The following ZNF525 variants were observed in gnomAD, a reference collection of about 807,000 sequenced individuals.
ZNF525 encodes the protein zinc finger protein 525.
ZNF525 carries 33 observed loss-of-function variants against 37.6 expected under a neutral mutation model. The observed-to-expected ratio is 0.88, with a 90% CI of 0.67 to 1.17. The LOEUF is 1.17. Among genes scored for constraint, ZNF525 ranks in the 50% most tolerant of loss-of-function variants. The pLI is 0.00. For missense variants in ZNF525, 449 were observed against 543.1 expected, an observed-to-expected ratio of 0.83 and a Z score of 1.72; for synonymous variants, 170 against 182.3, an observed-to-expected ratio of 0.93 and a Z score of 0.54.
In ZNF525 at chr19:53,380,879, G is replaced by T. The variant is rs762881059; in HGVS notation, c.300G>T (p.Gln100His). The change falls in exon 4 of 4, where the codon CAG becomes CAT. Residue 100 changes from glutamine (Q) to histidine (H), a missense_variant. Gln to His is a conservative substitution (Grantham distance 24). This residue lies in a region of ZNF525 where 271 missense variants were observed against 381.6 expected (regional missense o/e 0.71). Coordinates refer to ENST00000474037, the MANE Select transcript of ZNF525 (RefSeq NM_001348156.2). The part of the protein sequence containing the change: ...IEKDIHNFEF[Q>H]WQEDERNGHE... ...AAGATATTCATAACTTTGAGTTTCAGTGGCAAGAAGATGAAAGAAATGGCC... is the reference window on the plus strand; with the variant it reads ...AAGATATTCATAACTTTGAGTTTCATTGGCAAGAAGATGAAAGAAATGGCC... The T allele has an allele frequency of 2.7e-6, 4 of 1,475,110 alleles. No homozygotes were observed. Among genetic ancestry groups the T allele is most frequent in the Non-Finnish European group, 9.5e-7 (1 of 1,053,540 alleles). The allele number at this position is 1,475,110 out of a possible 1,614,324, so 91.4% of individuals were successfully genotyped here.
chr19:53,377,949 A>C (rs568379422), intron 3 of ZNF525, among the ~76,000 whole-genome samples: 1 of 152,168 alleles, frequency 6.6e-6, no homozygotes, highest in African/African-American at 2.4e-5. Flanking sequence ...TCCTTTGTTT[A>C]ATTAGATTTG....
chr19:53,367,794 T>G (rs570470095), intron 1 of ZNF525, among the ~76,000 whole-genome samples: 17 of 152,278 alleles, frequency 1.1e-4, no homozygotes, highest in African/African-American at 3.1e-4. Flanking sequence ...GGAGGTAGTC[T>G]AAAGCTAATC....
chr19:53,367,039 A>T (rs1304973858), intron 1 of ZNF525, among the ~76,000 whole-genome samples: 1 of 152,194 alleles, frequency 6.6e-6, no homozygotes, highest in Non-Finnish European at 1.5e-5. Context: ...AGGTCACGTA[A>T]TCTATAGCAT....
At chr19:53,374,674 A>G (rs56368786) in intron 2 of ZNF525, among the ~76,000 whole-genome samples, 39,202 of 152,146 alleles carry the variant, frequency 0.26, 5,532 homozygotes, top group African/African-American at 0.38. Flanking sequence ...ATATACATAC[A>G]CACACACATA....
intron 1 of ZNF525, among the ~76,000 whole-genome samples, chr19:53,366,371 C>T (rs1434573399): frequency 6.7e-6 from 1 of 149,638 alleles, no homozygotes; most frequent in East Asian, 2.0e-4. Context: ...TAAGCTCCTC[C>T]GGGATGCAGG....
chr19:53,381,657 T>C lies in ZNF525; in HGVS notation c.1078T>C (p.Cys360Arg), dbSNP rs1162562402. The part of the protein sequence containing the change: ...TGKKPYECEE[C>R]DKAFSFKSNL... ...AAAGAAACCTTACGAATGTGAAGAA[T>C]GTGACAAAGCTTTCAGTTTCAAATC... Residue 360 changes from cysteine (C) to arginine (R), a missense_variant, in exon 4 of 4, where the codon TGT becomes CGT. This residue lies in a region of ZNF525 where 178 missense variants were observed against 161.5 expected (regional missense o/e 1.10). Transcript: ENST00000474037. 8.9e-7 allele frequency: 1 copy of C among 1,124,004 alleles called. No homozygotes were observed. The highest frequency in any genetic ancestry group is 1.2e-5 in the South Asian group (1 of 81,026). 69.6% of individuals were successfully genotyped at this position (1,124,004 alleles called of 1,614,324 possible).
chr19:53,380,736 T>C lies in ZNF525; in HGVS notation c.157T>C (p.Cys53Arg). The C allele has an allele frequency of 5.7e-6, 7 of 1,231,388 alleles. No homozygotes were observed. The highest frequency in any genetic ancestry group is 7.1e-6 in the Non-Finnish European group (6 of 842,694). 76.3% of individuals were successfully genotyped at this position (1,231,388 alleles called of 1,614,324 possible). ...ATATTTTGTAGGTATCTCTTCCAAA[T>C]GCACAATGAAGGAGTTCTCATCAAC... The part of the protein sequence containing the change: ...NLVSLGISSK[C>R]TMKEFSSTAQ... The change falls in exon 4 of 4, where the codon TGC (cysteine) becomes CGC (arginine). Residue 53 changes from cysteine to arginine, a missense_variant. This residue lies in a region of ZNF525 where 271 missense variants were observed against 381.6 expected (regional missense o/e 0.71). Transcript: ENST00000474037.
At chr19:53,373,169 G>A (rs1399513769) in intron 2 of ZNF525, among the ~76,000 whole-genome samples, 2 of 151,946 alleles carry the variant, frequency 1.3e-5, no homozygotes, top group South Asian at 2.1e-4. Context: ...CTTGGCTCAT[G>A]GCAACCTCCA....
Position 53,375,833 on chromosome 19 carries a change from C to T in ZNF525, c.79C>T (p.Pro27Ser). 6.2e-7 allele frequency: 1 copy of T among 1,613,860 alleles called. No homozygotes were observed. The highest frequency in any genetic ancestry group is 8.5e-7 in the Non-Finnish European group (1 of 1,179,874). ...TCAGGAGGAGTGGAAATGCCTGGAC[C>T]CTGCTCAGAGGACTCTATACAGGGA... Reference protein sequence around the residue: ...FSQEEWKCLDPAQRTLYRDVM... With the variant: ...FSQEEWKCLDSAQRTLYRDVM... The change falls in exon 3 of 4, where the codon CCT (proline) becomes TCT (serine). Residue 27 changes from proline (P) to serine (S), a missense_variant. Physicochemically the swap from Pro to Ser is moderately conservative, Grantham distance 74 (BLOSUM62 -1). Transcript: ENST00000474037.
chr19:53,384,146 CT>C lies in ZNF525; in HGVS notation c.*2129del. On this transcript the variant is annotated 3_prime_UTR_variant, in exon 4 of 4. Transcript: ENST00000474037. The stretch of plus-strand genomic sequence containing the variant: ...CAGCATTGACTTGAGTTTGAGTTGA[CT>C]TAACATTGAGTTCAAGCCTTAATTG... The C allele has an allele frequency of 2.5e-6, 1 of 407,558 alleles. No individual in the cohort carries two copies. Among genetic ancestry groups the C allele is most frequent in the Admixed American group, 3.4e-5 (1 of 29,380 alleles). 25.2% of individuals were successfully genotyped at this position (407,558 alleles called of 1,614,324 possible).
chr19:53,369,205 A>G (rs1198119663), intron 1 of ZNF525, among the ~76,000 whole-genome samples: 4 of 151,262 alleles, frequency 2.6e-5, no homozygotes, highest in Non-Finnish European at 4.4e-5. Context: ...AAGGTTGGTT[A>G]TTTTCTTGGT....
intron 3 of ZNF525, among the ~76,000 whole-genome samples, chr19:53,378,331 G>C (rs2085535877): frequency 6.6e-6 from 1 of 152,052 alleles, no homozygotes; most frequent in Non-Finnish European, 1.5e-5. Context: ...GTGGCACATG[G>C]CTGTTATCCC....
chr19:53,373,330 G>A (rs2085500734), intron 2 of ZNF525, among the ~76,000 whole-genome samples: 1 of 152,034 alleles, frequency 6.6e-6, no homozygotes, highest in African/African-American at 2.4e-5. Flanking sequence ...TTAACCTCAG[G>A]TGATCTGCCT....
Position 53,382,564 on chromosome 19 carries a change from G to C in ZNF525, c.*545G>C, listed in dbSNP as rs2085574857. On this transcript the variant is annotated 3_prime_UTR_variant, in exon 4 of 4. Transcript: ENST00000474037. Reference sequence around the variant, plus strand: ...GACGTCATACTGGAGAGAAACCTTAGAAGTGCAATGAGTGTGGCAAAACCT... The same window carrying C: ...GACGTCATACTGGAGAGAAACCTTACAAGTGCAATGAGTGTGGCAAAACCT... The C allele has an allele frequency of 1.2e-5, 8 of 657,702 alleles. No individual in the cohort carries two copies. Among genetic ancestry groups the C allele is most frequent in the Non-Finnish European group, 2.0e-5 (7 of 351,000 alleles). 40.7% of individuals were successfully genotyped at this position (657,702 alleles called of 1,614,324 possible).
At chr19:53,374,626 A>C (rs75508914) in intron 2 of ZNF525, among the ~76,000 whole-genome samples, 1 of 152,230 alleles carries the variant, frequency 6.6e-6, no homozygotes, top group East Asian at 1.9e-4. Context: ...TCAGTTATAC[A>C]AAACTTGCTA....
chr19:53,369,967 G>A (rs1164520646), intron 1 of ZNF525, among the ~76,000 whole-genome samples: 19 of 148,046 alleles, frequency 1.3e-4, no homozygotes, highest in South Asian at 2.1e-4. Context: ...CTCGTGATCC[G>A]CCCGCCTCGG....
rs559872820 is a variant in ZNF525 at position 53,369,674 on chromosome 19, C to G, written c.-67-2541C>G. Among the ~76,000 whole-genome samples, 3 of 143,622 alleles carry G rather than the reference C, an allele frequency of 2.1e-5. 1 individual carries two copies. Among genetic ancestry groups the G allele is most frequent in the African/African-American group, 8.1e-5 (3 of 36,982 alleles). The allele number at this position is 143,622 out of a possible 152,430, so 94.2% of individuals were successfully genotyped here. A position where few individuals can be genotyped will look rare whatever the true frequency, so the allele number is the denominator to read the frequency against. On this transcript the variant is annotated intron_variant, in intron 1 of 3. Coordinates refer to ENST00000474037, the MANE Select transcript of ZNF525 (RefSeq NM_001348156.2). ...GATTTTCTTGTAAGGAAGAATTAAA[C>G]GTCGGGAACCAAAGGCAACAGAACC...
intron 1 of ZNF525, among the ~76,000 whole-genome samples, chr19:53,370,728 G>T (rs2147064931): frequency 6.6e-6 from 1 of 152,296 alleles, no homozygotes; most frequent in African/African-American, 2.4e-5. Context: ...AAACAGAGTT[G>T]CAGACTCAGA....
Position 53,385,063 on chromosome 19 carries a change from G to A in ZNF525, c.*3044G>A, listed in dbSNP as rs1250620931. 4 of 663,588 alleles carry A rather than the reference G, an allele frequency of 6.0e-6. No homozygotes were observed. The highest frequency in any genetic ancestry group is 1.1e-5 in the Non-Finnish European group (4 of 369,582). 41.1% of individuals were successfully genotyped at this position (663,588 alleles called of 1,614,324 possible). On this transcript the variant is annotated 3_prime_UTR_variant, in exon 4 of 4. Coordinates refer to ENST00000474037, the MANE Select transcript of ZNF525 (RefSeq NM_001348156.2). ...TTTAATCTTTCATTCTGTTCTAGTG[G>A]TATATAACATTGATTTGCTTGAATA...
Sources: allele counts gnomAD v4.1 joint callset (sites outside exome capture counted in the v4.1 genomes callset), GRCh38; gene constraint gnomAD v4.1.1; regional missense constraint gnomAD v4.1.1; transcripts MANE v1.5; gene names NCBI Gene and HGNC (gene_info 2026-07-23, HGNC 2026-07-21).